The following HDAC5 variants were observed in gnomAD, a reference collection of about 807,000 sequenced individuals.
HDAC5 encodes the protein antigen NY-CO-9.
HDAC5 carries 25 observed loss-of-function variants against 133.3 expected under a neutral mutation model. The ratio of observed to expected loss-of-function variants is 0.19; its 90% confidence interval spans 0.14 to 0.26. The LOEUF (loss-of-function observed/expected upper bound fraction) is 0.26, where lower values mean the gene tolerates loss of function less well. HDAC5 is among the 10% of genes least tolerant of loss of function. The pLI, the probability that HDAC5 is intolerant of heterozygous loss-of-function variation, is 1.00. For missense variants in HDAC5, 1,041 were observed against 1,460.5 expected, an observed-to-expected ratio of 0.71 and a Z score of 4.68; for synonymous variants, 589 against 610.8, an observed-to-expected ratio of 0.96 and a Z score of 0.53.
chr17:44,077,000 TGAACC>T lies in HDAC5; in HGVS notation c.*1371_*1375del, dbSNP rs2050153430. 6.5e-6 allele frequency: 1 copy of T among 153,462 alleles called. No homozygotes were observed. Among genetic ancestry groups the T allele is most frequent in the Non-Finnish European group, 1.5e-5 (1 of 68,826 alleles). The allele number at this position is 153,462 out of a possible 1,614,324, so 9.5% of individuals were successfully genotyped here. On this transcript the variant is annotated 3_prime_UTR_variant, in exon 27 of 27. Coordinates refer to ENST00000682912, the MANE Select transcript of HDAC5 (RefSeq NM_005474.5). ...CTAAAACAAACACACAAGCACACTA[TGAACC>T]GATGGTGCTGGGACTCCTGCCCCTC...
intron 14 of HDAC5, 41 bp from the exon 15 acceptor site, chr17:44,085,196 C>A: frequency 6.6e-7 from 1 of 1,519,456 alleles, no homozygotes; most frequent in Non-Finnish European, 9.0e-7. Context: ...CTGCTCTGGG[C>A]CCAGGATCCC....
chr17:44,115,409 G>A (rs559461702), intron 2 of HDAC5, among the ~76,000 whole-genome samples: 1 of 152,268 alleles, frequency 6.6e-6, no homozygotes, highest in Admixed American at 6.5e-5. Context: ...GGACACCCGC[G>A]TGCTCTGGCT....
Position 44,093,806 on chromosome 17 carries a change from G to T in HDAC5, c.123C>A (p.Ala41=). The T allele has an allele frequency of 6.5e-7, 1 of 1,533,586 alleles. No homozygotes were observed. The highest frequency in any genetic ancestry group is 2.3e-5 in the East Asian group (1 of 43,956). 95.0% of individuals were successfully genotyped at this position (1,533,586 alleles called of 1,614,324 possible). Residue 41 remains alanine (A), a synonymous_variant, in exon 4 of 27, where the codon GCC becomes GCA. Transcript: ENST00000682912. ...CCCCACCCCCCATGGAACTGGGCAT[G>T]GCTCTTGGCAGCACCGGCTTCACCT... ...TVEVKPVLPR[A]MPSSMGGGGG... is the part of the protein sequence containing the mutation.
Position 44,117,736 on chromosome 17 carries a change from C to G in HDAC5, c.-189-32G>C. 1.7e-6 allele frequency: 1 copy of G among 603,496 alleles called. No individual in the cohort carries two copies. The highest frequency in any genetic ancestry group is 3.0e-6 in the Non-Finnish European group (1 of 336,666). The allele number at this position is 603,496 out of a possible 1,614,324, so 37.4% of individuals were successfully genotyped here. ...AGAGATGGAGCAGGGTTAGAGGCCC[C>G]TAACTCAGGAATCTGAGAGTCGAAG... On this transcript the variant is annotated intron_variant, in intron 1 of 26. Coordinates refer to ENST00000682912, the MANE Select transcript of HDAC5 (RefSeq NM_005474.5). This position sits in a 1 kb window ranked among gnomAD's most constrained non-coding sequence, Gnocchi z 4.2.
Position 44,085,174 on chromosome 17 carries a change from T to C in HDAC5, c.2051-19A>G, listed in dbSNP as rs1041090418. On this transcript the variant is annotated intron_variant, in intron 14 of 26. Transcript: ENST00000682912. ...ACCACACCTGGGCCACAGACCTATG[T>C]GTCAGCCAGCACTGCTCTGGGCCCA... 1.9e-6 allele frequency: 3 copies of C among 1,580,226 alleles called. No individual in the cohort carries two copies. In the Admixed American group the frequency reaches 5.0e-5, roughly 27 times the overall value.
Position 44,082,508 on chromosome 17 carries a change from G to A in HDAC5, c.2607+77C>T, listed in dbSNP as rs1567982702. 2.6e-6 allele frequency: 3 copies of A among 1,159,420 alleles called. No individual in the cohort carries two copies. The East Asian group carries it at 7.0e-5, about 27-fold the overall frequency. 71.8% of individuals were successfully genotyped at this position (1,159,420 alleles called of 1,614,324 possible). The stretch of plus-strand genomic sequence containing the variant: ...CTGGGGTGCTTGAAGGTGGGGCTGG[G>A]GGAGGAGACTTCCTGAAGGCTGACC... On this transcript the variant is annotated intron_variant, in intron 20 of 26. Transcript: ENST00000682912.
At chr17:44,081,101 G>C (rs1222720094) in intron 20 of HDAC5, among the ~76,000 whole-genome samples, 1 of 152,126 alleles carries the variant, frequency 6.6e-6, no homozygotes, top group East Asian at 1.9e-4. Context: ...TCTCTAACTA[G>C]GTCTGAGCCT....
In HDAC5 at chr17:44,083,802, C is replaced by T; in HGVS notation, c.2355+3G>A. ...CACCCCCACTGCTGTACGCCCTACT[C>T]ACCCCGATGCCCCCACAAGGCAGCA... On this transcript the variant is annotated splice_donor_region_variant and intron_variant, in intron 17 of 26. Coordinates refer to ENST00000682912, the MANE Select transcript of HDAC5 (RefSeq NM_005474.5). 3 of 1,531,662 alleles carry T rather than the reference C, an allele frequency of 2.0e-6. No individual in the cohort carries two copies. The highest frequency in any genetic ancestry group is 2.7e-6 in the Non-Finnish European group (3 of 1,106,888). The allele number at this position is 1,531,662 out of a possible 1,614,324, so 94.9% of individuals were successfully genotyped here.
At chr17:44,104,498 C>A (rs1288136782) in intron 3 of HDAC5, among the ~76,000 whole-genome samples, 1 of 152,124 alleles carries the variant, frequency 6.6e-6, no homozygotes, top group Non-Finnish European at 1.5e-5. Context: ...CTGGCACAAA[C>A]AAAGCCCTTC....
chr17:44,122,941 G>C (rs1164101775), intron 1 of HDAC5, among the ~76,000 whole-genome samples: 1 of 152,182 alleles, frequency 6.6e-6, no homozygotes, highest in African/African-American at 2.4e-5. Context: ...CAGGAGACGG[G>C]GTGAGAATAA....
chr17:44,084,726 A>G (rs1424572757), intron 15 of HDAC5, 51 bp from the exon 16 acceptor site: 2 of 1,604,288 alleles, frequency 1.2e-6, no homozygotes, highest in East Asian at 2.2e-5. Context: ...GCTCTCTCAG[A>G]GCCTCTCTGC....
intron 11 of HDAC5, among the ~76,000 whole-genome samples, chr17:44,089,222 A>G (rs1206847807): frequency 6.6e-6 from 1 of 152,252 alleles, no homozygotes; most frequent in Non-Finnish European, 1.5e-5. Flanking sequence ...CTCATTGGTA[A>G]CTGCATATTG....
chr17:44,091,840 C>T lies in HDAC5; in HGVS notation c.1033-9G>A, dbSNP rs760831603. On this transcript the variant is annotated splice_polypyrimidine_tract_variant and intron_variant, in intron 9 of 26. Transcript: ENST00000682912. Reference sequence around the variant, plus strand: ...CGGTGCTGAGGGAGCATCTGGGGAGCAGTCAGAAGAGACAGGCATGAGAGT... The same window carrying T: ...CGGTGCTGAGGGAGCATCTGGGGAGTAGTCAGAAGAGACAGGCATGAGAGT... 1.3e-6 allele frequency: 2 copies of T among 1,540,140 alleles called. No individual in the cohort carries two copies. The highest frequency in any genetic ancestry group is 2.5e-5 in the South Asian group (2 of 78,838).
In HDAC5 at chr17:44,082,972, CTTT is replaced by C. The variant is rs2050467108; in HGVS notation, c.2464-155_2464-153del. On this transcript the variant is annotated intron_variant, in intron 18 of 26. Transcript: ENST00000682912. ...TTAATGCACAATTTTGTTGGGGTTT[CTTT>C]GTTTTTTTATGGGTTTTTTTGGAGA... The C allele has an allele frequency of 4.2e-6, 3 of 709,006 alleles. 1 individual carries two copies. In the South Asian group the frequency reaches 5.5e-5, roughly 13 times the overall value. 43.9% of individuals were successfully genotyped at this position (709,006 alleles called of 1,614,324 possible).
chr17:44,123,083 A>G (rs2053110694), intron 1 of HDAC5, among the ~76,000 whole-genome samples: 1 of 152,156 alleles, frequency 6.6e-6, no homozygotes, highest in South Asian at 2.1e-4. Flanking sequence ...ACCTCAGAGT[A>G]CCAAGAAAGG....
chr17:44,116,534 GCC>G (rs1409854093), intron 2 of HDAC5, among the ~76,000 whole-genome samples: 5 of 152,160 alleles, frequency 3.3e-5, no homozygotes, highest in African/African-American at 1.2e-4. Flanking sequence ...GGCCCCAATT[GCC>G]CTATCTCTAA....
chr17:44,092,839 A>T (rs2051029450), intron 6 of HDAC5, 33 bp from the exon 7 acceptor site: 2 of 845,468 alleles, frequency 2.4e-6, no homozygotes, highest in Non-Finnish European at 3.7e-6. Flanking sequence ...ATGGAAGCAG[A>T]TCTAGGTTAT....
At chr17:44,113,287 G>A (rs952733453) in intron 2 of HDAC5, among the ~76,000 whole-genome samples, 5 of 152,222 alleles carry the variant, frequency 3.3e-5, no homozygotes, top group Admixed American at 2.0e-4. Context: ...GCTTAGGGAA[G>A]ATAGTAGCAC....
At chr17:44,082,473 A>G in intron 20 of HDAC5, 112 bp downstream of exon 20, 1 of 807,982 alleles carries the variant, frequency 1.2e-6, no homozygotes, top group Non-Finnish European at 2.1e-6. Flanking sequence ...GCACCCGAGG[A>G]TGAGGACGAC....
Sources: gnomAD v4.1 joint callset for allele counts (sites outside exome capture counted in the v4.1 genomes callset) on GRCh38, gnomAD v4.1.1 for gene constraint, Gnocchi (gnomAD v3.1) non-coding constraint, MANE v1.5 for transcripts, NCBI Gene and HGNC (gene_info 2026-07-23, HGNC 2026-07-21) for gene names.